Variants in RESF1 observed in about 807,000 individuals in gnomAD.
The protein encoded by RESF1 is retroelement silencing factor 1, also known as gonad expressed transcript.
In RESF1, 65 loss-of-function variants were observed where a neutral mutation model predicts 134.7. The ratio of observed to expected loss-of-function variants is 0.48; its 90% confidence interval spans 0.40 to 0.59. The LOEUF is 0.59. RESF1 is among the 20% of genes least tolerant of loss of function. RESF1 has a pLI of 0.00. For missense variants in RESF1, 2,274 were observed against 2,002.7 expected, an observed-to-expected ratio of 1.14 and a Z score of -2.59; for synonymous variants, 762 against 702.2, an observed-to-expected ratio of 1.09 and a Z score of -1.35.
chr12:31,976,944 T>C (rs1939649075), intron 3 of RESF1, among the ~76,000 whole-genome samples: 1 of 152,180 alleles, frequency 6.6e-6, no homozygotes, highest in Admixed American at 6.5e-5. Context: ...TTATTTTTTA[T>C]TGAGTTGTCT....
chr12:31,985,449 C>G lies in RESF1; in HGVS notation c.4494C>G (p.His1498Gln), dbSNP rs1939946627. ...GTTGTGGGAAATCAAATGAGAAACA[C>G]AGCAGCGGCGTGCAGACCTCTAAAG... ...VESCGKSNEK[H>Q]SSGVQTSKES... The change falls in exon 4 of 6, where the codon CAC becomes CAG. Residue 1498 changes from histidine (H) to glutamine (Q), a missense_variant. Coordinates refer to ENST00000312561, the MANE Select transcript of RESF1 (RefSeq NM_018169.4). The G allele has an allele frequency of 6.2e-7, 1 of 1,608,256 alleles. No individual in the cohort carries two copies. Among genetic ancestry groups the G allele is most frequent in the Non-Finnish European group, 8.5e-7 (1 of 1,178,546 alleles).
intron 5 of RESF1, among the ~76,000 whole-genome samples, 191 bp from the exon 6 acceptor site, chr12:31,992,187 A>C (rs1940105549): frequency 6.6e-6 from 1 of 152,136 alleles, no homozygotes; most frequent in African/African-American, 2.4e-5. Flanking sequence ...AGCCCCCAAA[A>C]GAAAGGCAAG....
rs376678601 is a variant in RESF1, at chr12:31,984,896, A to G, written c.3941A>G (p.Tyr1314Cys). The change falls in exon 4 of 6, where the codon TAT becomes TGT. Residue 1314 changes from tyrosine to cysteine, a missense_variant. Coordinates refer to ENST00000312561, the MANE Select transcript of RESF1 (RefSeq NM_018169.4). ...TCCAGTAATAAAATGACAGCATCTT[A>G]TGAACAAGCTTCTCAGGAAACCCGA... ...FHSSNKMTASYEQASQETRQK... is the reference protein window; with the variant it reads ...FHSSNKMTASCEQASQETRQK... 1 of 1,610,576 alleles carries G rather than the reference A, an allele frequency of 6.2e-7. No homozygotes were observed. The highest frequency in any genetic ancestry group is 8.5e-7 in the Non-Finnish European group (1 of 1,179,212).
chr12:31,974,691 G>A (rs923397691), intron 3 of RESF1, among the ~76,000 whole-genome samples: 1 of 152,080 alleles, frequency 6.6e-6, no homozygotes, highest in Admixed American at 6.5e-5. Flanking sequence ...TTTGGGGAGG[G>A]TACAATTCAG....
chr12:31,975,469 A>G (rs1255696662), intron 3 of RESF1, among the ~76,000 whole-genome samples: 1 of 152,236 alleles, frequency 6.6e-6, no homozygotes, highest in Non-Finnish European at 1.5e-5. Context: ...TAAATGCTTA[A>G]TAGTATGCAT....
At position 31,981,562 on chromosome 12, in the gene RESF1, T is replaced by G; in HGVS notation, c.607T>G (p.Ser203Ala). The G allele has an allele frequency of 6.2e-7, 1 of 1,614,140 alleles. No individual in the cohort carries two copies. Among genetic ancestry groups the G allele is most frequent in the Middle Eastern group, 1.6e-4 (1 of 6,062 alleles). ...QQVDWTQQCI[S>A]KGLTYPDYRP... is the part of the protein sequence containing the mutation. Reference sequence around the variant, plus strand: ...GGTTGATTGGACACAACAGTGTATATCTAAGGGACTGACTTACCCAGATTA... The same window carrying G: ...GGTTGATTGGACACAACAGTGTATAGCTAAGGGACTGACTTACCCAGATTA... Residue 203 changes from serine (S) to alanine (A), a missense_variant, in exon 4 of 6, where the codon TCT becomes GCT. Coordinates refer to ENST00000312561, the MANE Select transcript of RESF1 (RefSeq NM_018169.4).
chr12:31,989,589 C>T (rs1032189641), intron 5 of RESF1, among the ~76,000 whole-genome samples: 7 of 151,978 alleles, frequency 4.6e-5, no homozygotes, highest in Non-Finnish European at 5.9e-5. Flanking sequence ...AGGTGGCTCA[C>T]GCCTGTAATA....
At chr12:31,969,197 C>T (rs769801872) in intron 2 of RESF1, among the ~76,000 whole-genome samples, 15 of 151,134 alleles carry the variant, frequency 9.9e-5, no homozygotes, top group Non-Finnish European at 2.2e-4. Flanking sequence ...CTGCCTCAGC[C>T]TCTCAGCATG....
chr12:31,985,923 G>T lies in RESF1; in HGVS notation c.4968G>T (p.Lys1656Asn). The change falls in exon 4 of 6, where the codon AAG (lysine) becomes AAT (asparagine). Residue 1656 changes from lysine to asparagine, a missense_variant. Physicochemically the swap from Lys to Asn is moderately conservative, Grantham distance 94 (BLOSUM62 0). Transcript: ENST00000312561. ...TNSVEERKDV[K>N]PHPRKEQAPL... ...CTGTGGAAGAACGGAAGGATGTAAAGCCTCATCCTAGGAAGGAGCAAGCCC... is the reference window on the plus strand; with the variant it reads ...CTGTGGAAGAACGGAAGGATGTAAATCCTCATCCTAGGAAGGAGCAAGCCC... The T allele has an allele frequency of 1.3e-6, 2 of 1,504,184 alleles. No individual in the cohort carries two copies. The highest frequency in any genetic ancestry group is 1.8e-6 in the Non-Finnish European group (2 of 1,133,462). The allele number at this position is 1,504,184 out of a possible 1,614,324, so 93.2% of individuals were successfully genotyped here.
intron 3 of RESF1, among the ~76,000 whole-genome samples, chr12:31,980,231 C>G (rs898117733): frequency 6.6e-6 from 1 of 150,564 alleles, no homozygotes; most frequent in Non-Finnish European, 1.5e-5. Context: ...TGTGCATCAG[C>G]CTCCTGAGTA....
chr12:31,989,577 C>T (rs181606816), intron 5 of RESF1, among the ~76,000 whole-genome samples: 203 of 151,956 alleles, frequency 1.3e-3, no homozygotes, highest in South Asian at 2.5e-3. Context: ...AGAGGCCGGG[C>T]GAGGTGGCTC....
At chr12:31,987,839 G>A (rs1229185203) in intron 5 of RESF1, among the ~76,000 whole-genome samples, 6 of 151,932 alleles carry the variant, frequency 3.9e-5, no homozygotes, top group Non-Finnish European at 7.4e-5. Flanking sequence ...AGGTTCAAGC[G>A]ATTTTCTCCC....
At chr12:31,972,777 C>T (rs1939541790) in intron 3 of RESF1, among the ~76,000 whole-genome samples, 1 of 152,124 alleles carries the variant, frequency 6.6e-6, no homozygotes. Flanking sequence ...GAGACACCCA[C>T]ACATCTGGTG....
chr12:31,980,213 G>C (rs1939747089), intron 3 of RESF1, among the ~76,000 whole-genome samples: 1 of 145,878 alleles, frequency 6.9e-6, no homozygotes, highest in African/African-American at 2.5e-5. Context: ...CCAGGTTCAA[G>C]TGATTCTTGT....
intron 5 of RESF1, 43 bp downstream of exon 5, chr12:31,987,365 C>T (rs755053513): frequency 4.7e-6 from 5 of 1,059,748 alleles, no homozygotes; most frequent in Non-Finnish European, 5.8e-6. Context: ...ATCTCCCTAT[C>T]TGGTATATGG....
intron 2 of RESF1, among the ~76,000 whole-genome samples, chr12:31,966,281 T>G (rs990321998): frequency 6.6e-6 from 1 of 152,186 alleles, no homozygotes; most frequent in African/African-American, 2.4e-5. Context: ...ACAAGCTTGA[T>G]TTAGTAGATG....
chr12:31,973,691 C>T (rs1939565067), intron 3 of RESF1, among the ~76,000 whole-genome samples: 1 of 141,872 alleles, frequency 7.0e-6, no homozygotes, highest in Non-Finnish European at 1.5e-5. Context: ...AAAAAAAAAC[C>T]AAATTAACAT....
chr12:31,983,005 C>G lies in RESF1; in HGVS notation c.2050C>G (p.Pro684Ala), dbSNP rs764189384. ...CTGTCTTTCCCTGTGGAAAAAGCAA[C>G]CTTCAGATACTGCAAAAGAAAAGGA... ...ATCLSLWKKQ[P>A]SDTAKEKECD... The change falls in exon 4 of 6, where the codon CCT (proline) becomes GCT (alanine). Residue 684 changes from proline (P) to alanine (A), a missense_variant. Coordinates refer to ENST00000312561, the MANE Select transcript of RESF1 (RefSeq NM_018169.4). The G allele has an allele frequency of 1.2e-6, 2 of 1,614,072 alleles. No individual in the cohort carries two copies. The highest frequency in any genetic ancestry group is 1.1e-5 in the South Asian group (1 of 91,078).
Position 31,984,393 on chromosome 12 carries a change from G to T in RESF1, c.3438G>T (p.Gln1146His). 1 of 1,614,176 alleles carries T rather than the reference G, an allele frequency of 6.2e-7. No individual in the cohort carries two copies. The highest frequency in any genetic ancestry group is 8.5e-7 in the Non-Finnish European group (1 of 1,180,020). The change falls in exon 4 of 6, where the codon CAG becomes CAT. Residue 1146 changes from glutamine (Q) to histidine (H), a missense_variant. Physicochemically the swap from Gln to His is conservative, Grantham distance 24. Transcript: ENST00000312561. ...KEEPITEVVS[Q>H]CDLQAPAAGQ... ...AGCCCATCACAGAAGTAGTTAGCCA[G>T]TGTGACCTGCAGGCACCTGCAGCTG...
Sources: allele counts gnomAD v4.1 joint callset (sites outside exome capture counted in the v4.1 genomes callset), GRCh38; gene constraint gnomAD v4.1.1; transcripts MANE v1.5; gene names NCBI Gene and HGNC (gene_info 2026-07-23, HGNC 2026-07-21).